GLIS3: variants seen among roughly 807,000 people sequenced by gnomAD.
GLIS3 encodes zinc finger protein GLIS3.
A neutral mutation model predicts 78.6 loss-of-function variants in GLIS3; 53 were observed. That is an observed-to-expected ratio of 0.67 (90% CI 0.54 to 0.85). GLIS3 has a LOEUF of 0.85. Ranked by LOEUF, GLIS3 falls within the 40% of genes least tolerant of loss-of-function variation. The pLI is 0.00. For synonymous variants in GLIS3, 684 were observed against 509.9 expected (o/e 1.34, Z -4.60); for missense variants, 1,703 against 1,231.1 (o/e 1.38, Z -5.74).
At chr9:4,456,676 A>G in the GLIS3 span, among the ~76,000 whole-genome samples, 1 of 152,034 alleles carries the variant, frequency 6.6e-6, no homozygotes, top group Non-Finnish European at 1.5e-5. Flanking sequence ...ATTTAAAGCA[A>G]CTCTTCCTTT....
At chr9:4,192,926 G>C (rs1586933249) in intron 2 of GLIS3, among the ~76,000 whole-genome samples, 1 of 152,236 alleles carries the variant, frequency 6.6e-6, no homozygotes, top group Non-Finnish European at 1.5e-5. Context: ...TCTCAGTGTG[G>C]ACAGGATACT....
intron 4 of GLIS3, among the ~76,000 whole-genome samples, chr9:4,014,830 A>G (rs372790725): frequency 8.5e-5 from 13 of 152,170 alleles, no homozygotes; most frequent in African/African-American, 2.2e-4. Flanking sequence ...GGCTTACCCA[A>G]TGTCACAGGG....
chr9:4,059,097 G>A (rs866439784), intron 4 of GLIS3, among the ~76,000 whole-genome samples: 6 of 152,126 alleles, frequency 3.9e-5, no homozygotes, highest in African/African-American at 1.2e-4. Flanking sequence ...AGGTCTGAGT[G>A]TTACTGCAGC....
rs556060792 is a variant in GLIS3, at chr9:3,955,601, C to A, written c.1711-18412G>T. Among the ~76,000 whole-genome samples, 3 of 152,192 alleles carry A rather than the reference C, an allele frequency of 2.0e-5. No individual in the cohort carries two copies. In the South Asian group the frequency reaches 6.2e-4, roughly 32 times the overall value. On this transcript the variant is annotated intron_variant, in intron 4 of 10. Transcript: ENST00000381971. ...TTATGGTTGGCGTTGGATTAAAGAACAGGAAATAGCCAAGATGCTTCCAGG... is the reference window on the plus strand; with the variant it reads ...TTATGGTTGGCGTTGGATTAAAGAAAAGGAAATAGCCAAGATGCTTCCAGG...
intron 2 of GLIS3, among the ~76,000 whole-genome samples, chr9:4,257,954 C>T (rs59876168): frequency 6.6e-6 from 1 of 152,140 alleles, no homozygotes; most frequent in South Asian, 2.1e-4. Flanking sequence ...ACATTTATAT[C>T]TAATTTGAAG....
intron 3 of GLIS3, among the ~76,000 whole-genome samples, chr9:4,125,371 G>A (rs751735748): frequency 2.0e-5 from 3 of 152,172 alleles, no homozygotes; most frequent in Non-Finnish European, 2.9e-5. Context: ...AACCTGGCAG[G>A]TAAGATAGGT....
the GLIS3 span, among the ~76,000 whole-genome samples, chr9:4,408,736 A>AG: frequency 6.6e-6 from 1 of 151,362 alleles, no homozygotes; most frequent in African/African-American, 2.4e-5. Flanking sequence ...CAAAAAAAAA[A>AG]AAAAAAAAAA....
At chr9:4,382,997 T>A in the GLIS3 span, among the ~76,000 whole-genome samples, 13 of 152,338 alleles carry the variant, frequency 8.5e-5, 2 homozygotes, top group Admixed American at 4.6e-4. Flanking sequence ...TCTTCCCATC[T>A]GTCTATTTTC....
chr9:3,915,729 T>C (rs557287980), intron 6 of GLIS3, among the ~76,000 whole-genome samples: 29 of 152,292 alleles, frequency 1.9e-4, no homozygotes, highest in Middle Eastern at 3.4e-3. Context: ...CTGGAAGTAA[T>C]TTCACATTCT....
chr9:4,240,156 G>C (rs965349056), intron 2 of GLIS3, among the ~76,000 whole-genome samples: 2 of 129,184 alleles, frequency 1.5e-5, no homozygotes, highest in Non-Finnish European at 3.2e-5. Context: ...TCAGGGACCA[G>C]TTTCATGGAA....
At chr9:4,081,341 A>T (rs1828539974) in intron 4 of GLIS3, 1 of 152,236 alleles carries the variant, frequency 6.6e-6, no homozygotes, top group Admixed American at 6.5e-5. Flanking sequence ...CTGCAATGGC[A>T]GAGGCTGCCA....
intron 2 of GLIS3, among the ~76,000 whole-genome samples, chr9:4,263,596 T>G (rs1397012831): frequency 1.3e-5 from 2 of 152,164 alleles, no homozygotes; most frequent in Non-Finnish European, 2.9e-5. Context: ...TTAAAGTTTC[T>G]GTCATTTTCC....
At chr9:4,448,623 G>T in the GLIS3 span, among the ~76,000 whole-genome samples, 2 of 152,220 alleles carry the variant, frequency 1.3e-5, no homozygotes, top group East Asian at 1.9e-4. Flanking sequence ...TTTGAAGCAG[G>T]TGTGACCACA....
At chr9:3,961,472 T>C (rs1817548066) in intron 4 of GLIS3, among the ~76,000 whole-genome samples, 1 of 152,204 alleles carries the variant, frequency 6.6e-6, no homozygotes, top group African/African-American at 2.4e-5. Flanking sequence ...ATTAAACATG[T>C]CATAAATCAT....
intron 2 of GLIS3, among the ~76,000 whole-genome samples, chr9:4,321,387 A>T (rs981908496): frequency 9.2e-6 from 1 of 109,222 alleles, no homozygotes; most frequent in Non-Finnish European, 1.6e-5. Context: ...GCGCCACTGC[A>T]CTCCAGCCTG....
chr9:4,195,736 C>G (rs927161287), intron 2 of GLIS3, among the ~76,000 whole-genome samples: 9 of 152,284 alleles, frequency 5.9e-5, no homozygotes, highest in Admixed American at 5.9e-4. Flanking sequence ...GCCAGCTGGG[C>G]TCCTGAGTCG....
Position 4,118,534 on chromosome 9 carries a change from T to C in GLIS3, c.944A>G (p.Asp315Gly). 6.2e-7 allele frequency: 1 copy of C among 1,614,212 alleles called. No homozygotes were observed. The highest frequency in any genetic ancestry group is 1.1e-5 in the South Asian group (1 of 91,078). ...LSPLSDGIGI[D>G]FNTIIRTSPT... Reference sequence around the variant, plus strand: ...CGACGTGCGGATGATGGTATTGAAATCTATCCCGATGCCATCGGACAGCGG... The same window carrying C: ...CGACGTGCGGATGATGGTATTGAAACCTATCCCGATGCCATCGGACAGCGG... The change falls in exon 4 of 11, where the codon GAT becomes GGT. Residue 315 changes from aspartate to glycine, a missense_variant. Physicochemically the swap from Asp to Gly is moderately conservative, Grantham distance 94 (BLOSUM62 -1). Transcript: ENST00000381971. This position sits in a 1 kb window ranked among gnomAD's most constrained non-coding sequence, Gnocchi z 4.7.
the GLIS3 span, among the ~76,000 whole-genome samples, chr9:4,446,604 G>A: frequency 2.0e-5 from 3 of 150,006 alleles, no homozygotes; most frequent in Admixed American, 6.7e-5. Context: ...CCACCTCCTG[G>A]GTTCAAGTGA....
At chr9:4,060,602 C>G (rs891217142) in intron 4 of GLIS3, among the ~76,000 whole-genome samples, 1 of 152,010 alleles carries the variant, frequency 6.6e-6, no homozygotes, top group Non-Finnish European at 1.5e-5. Context: ...AGAAGAGAGA[C>G]CTGAGTTAGT....
Sources: gnomAD v4.1 joint callset for allele counts (sites outside exome capture counted in the v4.1 genomes callset) on GRCh38, gnomAD v4.1.1 for gene constraint, Gnocchi (gnomAD v3.1) non-coding constraint, MANE v1.5 for transcripts, NCBI Gene and HGNC (gene_info 2026-07-23, HGNC 2026-07-21) for gene names.